Variants in WDR72 observed in about 807,000 individuals in gnomAD.
WDR72 encodes WD repeat domain 72.
Under a neutral mutation model 124.2 loss-of-function variants are expected in WDR72, and 120 were observed. The ratio of observed to expected loss-of-function variants is 0.97; its 90% CI spans 0.83 to 1.12. WDR72 has a LOEUF of 1.12. Among genes scored for constraint, WDR72 ranks in the 50% most tolerant of loss-of-function variants. The pLI, the probability that WDR72 is intolerant of heterozygous loss-of-function variation, is 0.00. For missense variants in WDR72, 1,387 were observed against 1,278.8 expected (o/e 1.08, Z -1.29); for synonymous variants, 452 against 441.7 (o/e 1.02, Z -0.29).
Position 53,555,664 on chromosome 15 carries a change from C to A in WDR72, c.3149-32342G>T, listed in dbSNP as rs74017440. ...CTCTCCTACTATTTCACCCTATCAC[C>A]CATAATTCAATTAAATTAAAATGAA... On this transcript the variant is annotated intron_variant, in intron 18 of 19. Coordinates refer to ENST00000360509, the MANE Select transcript of WDR72 (RefSeq NM_182758.4). Among the ~76,000 whole-genome samples the A allele has an allele frequency of 4.6e-3, 701 of 152,088 alleles. 6 individuals carry two copies. The highest frequency in any genetic ancestry group is 0.017 in the African/African-American group (688 of 41,492).
Position 53,702,495 on chromosome 15 carries a change from T to A in WDR72, c.1349-141A>T, listed in dbSNP as rs2017214498. 4 of 679,174 alleles carry A rather than the reference T, an allele frequency of 5.9e-6. No individual in the cohort carries two copies. In the East Asian group the frequency reaches 1.1e-4, roughly 18 times the overall value. The allele number at this position is 679,174 out of a possible 1,614,324, so 42.1% of individuals were successfully genotyped here. A position where few individuals can be genotyped will look rare whatever the true frequency, so the allele number is the denominator to read the frequency against. ...ACTTGGCTAAGAAAACTAGTGAACATCCTTAGATCATCTTGAAAAACAAGT... is the reference window on the plus strand; with the variant it reads ...ACTTGGCTAAGAAAACTAGTGAACAACCTTAGATCATCTTGAAAAACAAGT... On this transcript the variant is annotated intron_variant, in intron 11 of 19. Coordinates refer to ENST00000360509, the MANE Select transcript of WDR72 (RefSeq NM_182758.4).
At chr15:53,668,300 A>C (rs1280351296) in intron 13 of WDR72, among the ~76,000 whole-genome samples, 1 of 152,262 alleles carries the variant, frequency 6.6e-6, no homozygotes, top group Non-Finnish European at 1.5e-5. Context: ...AGGAGTGGTT[A>C]GAGTCAATCA....
At chr15:53,560,862 C>A (rs74017444) in intron 18 of WDR72, among the ~76,000 whole-genome samples, 1,563 of 150,864 alleles carry the variant, frequency 0.01, 24 homozygotes, top group African/African-American at 0.035. Flanking sequence ...CCCGGCCCCC[C>A]AAAAAAAACA....
intron 18 of WDR72, among the ~76,000 whole-genome samples, chr15:53,571,047 G>A (rs537262236): frequency 6.6e-6 from 1 of 152,040 alleles, no homozygotes; most frequent in Admixed American, 6.6e-5. Flanking sequence ...CAAACAGAAA[G>A]CCAAATACTG....
intron 14 of WDR72, among the ~76,000 whole-genome samples, chr15:53,657,108 C>T (rs1487096511): frequency 6.6e-6 from 1 of 151,188 alleles, no homozygotes; most frequent in East Asian, 1.9e-4. Context: ...ACTAAAAATA[C>T]AAAAAATTAG....
At chr15:53,625,296 G>T (rs2014159385) in intron 14 of WDR72, among the ~76,000 whole-genome samples, 1 of 152,190 alleles carries the variant, frequency 6.6e-6, no homozygotes, top group Non-Finnish European at 1.5e-5. Flanking sequence ...AACACTATCT[G>T]ATTGCCTGAC....
intron 18 of WDR72, among the ~76,000 whole-genome samples, chr15:53,532,865 G>A (rs1009294977): frequency 4.6e-5 from 7 of 151,968 alleles, no homozygotes; most frequent in East Asian, 1.9e-4. Context: ...ACATGTATAC[G>A]TACGTCAAAA....
At chr15:53,591,910 C>A (rs1021321009) in intron 18 of WDR72, among the ~76,000 whole-genome samples, 1 of 151,976 alleles carries the variant, frequency 6.6e-6, no homozygotes, top group Non-Finnish European at 1.5e-5. Flanking sequence ...ATCTACAGGT[C>A]ACCTAAACAG....
chr15:53,519,327 T>C (rs190302630), intron 19 of WDR72, among the ~76,000 whole-genome samples: 69 of 152,204 alleles, frequency 4.5e-4, no homozygotes, highest in Non-Finnish European at 6.2e-4. Flanking sequence ...TGATAACATC[T>C]TTCAGATTCA....
At chr15:53,761,064 C>T (rs533161992), upstream of WDR72, among the ~76,000 whole-genome samples, 1 of 152,210 alleles carries the variant, frequency 6.6e-6, no homozygotes, top group Admixed American at 6.5e-5. Flanking sequence ...GTGGAGGCTG[C>T]AGTGAGCTGA....
chr15:53,686,142 A>C lies in WDR72; in HGVS notation c.1765+13608T>G, dbSNP rs1474869626. ...TAAAGACCATCGAGACGAGGACGAA[A>C]CTGCATCAACTAATGAGCAAAATCA... On this transcript the variant is annotated intron_variant, in intron 13 of 19. Coordinates refer to ENST00000360509, the MANE Select transcript of WDR72 (RefSeq NM_182758.4). Among the ~76,000 whole-genome samples the C allele has an allele frequency of 1.4e-5, 2 of 146,768 alleles. 1 individual carries two copies. The highest frequency in any genetic ancestry group is 5.1e-5 in the African/African-American group (2 of 39,134).
At chr15:53,541,319 A>G (rs1008973367) in intron 18 of WDR72, among the ~76,000 whole-genome samples, 28 of 152,152 alleles carry the variant, frequency 1.8e-4, no homozygotes, top group Admixed American at 2.6e-4. Context: ...CTGCCTCCTC[A>G]AGTGGGTCCC....
At chr15:53,639,339 A>G (rs1048908485) in intron 14 of WDR72, among the ~76,000 whole-genome samples, 1 of 151,870 alleles carries the variant, frequency 6.6e-6, no homozygotes, top group African/African-American at 2.4e-5. Context: ...TCTCACTTAA[A>G]TTCTTTTCTG....
intron 2 of WDR72, among the ~76,000 whole-genome samples, chr15:53,726,262 G>GTATATATATA (rs539475727): frequency 1.8e-5 from 1 of 55,708 alleles, no homozygotes. Context: ...ATATGTATGT[G>GTATATATATA]TGTATATATA....
intron 17 of WDR72, 128 bp from the exon 18 acceptor site, chr15:53,597,402 T>A: frequency 2.3e-6 from 2 of 881,332 alleles, no homozygotes; most frequent in Non-Finnish European, 3.4e-6. Context: ...TTCATACTTC[T>A]AGAATTAGCA....
At chr15:53,589,376 T>C (rs1213826688) in intron 18 of WDR72, among the ~76,000 whole-genome samples, 4 of 151,920 alleles carry the variant, frequency 2.6e-5, no homozygotes, top group Non-Finnish European at 5.9e-5. Context: ...TGCTCCTTCT[T>C]TTACTAATTA....
At chr15:53,695,710 A>G in intron 13 of WDR72, among the ~76,000 whole-genome samples, 1 of 152,112 alleles carries the variant, frequency 6.6e-6, no homozygotes, top group African/African-American at 2.4e-5. Context: ...CTACGACCCC[A>G]AAATTTACCC....
intron 14 of WDR72, among the ~76,000 whole-genome samples, chr15:53,652,733 G>C (rs1185611638): frequency 6.6e-6 from 1 of 152,058 alleles, no homozygotes; most frequent in Non-Finnish European, 1.5e-5. Context: ...TAAGATTTAA[G>C]GGCAAGTAAA....
At chr15:53,655,590 A>C (rs984967697) in intron 14 of WDR72, among the ~76,000 whole-genome samples, 3 of 152,214 alleles carry the variant, frequency 2.0e-5, no homozygotes, top group Non-Finnish European at 2.9e-5. Context: ...AAAGGAAAAC[A>C]AAACATCTGC....
Sources: gnomAD v4.1 joint callset for allele counts (sites outside exome capture counted in the v4.1 genomes callset) on GRCh38, gnomAD v4.1.1 for gene constraint, MANE v1.5 for transcripts, NCBI Gene and HGNC (gene_info 2026-07-23, HGNC 2026-07-21) for gene names.